GGA2: variants seen among roughly 807,000 people sequenced by gnomAD.
GGA2 encodes the protein ADP-ribosylation factor-binding protein GGA2.
A neutral mutation model predicts 79.5 loss-of-function variants in GGA2; 48 were observed. That is an observed-to-expected ratio of 0.60 (90% CI 0.48 to 0.77). The LOEUF is 0.77. GGA2 is among the 30% of genes least tolerant of loss of function. The probability of loss-of-function intolerance (pLI) is 0.00; values close to 1 mark genes in which losing one functional copy is unlikely to be tolerated. For missense variants in GGA2, 770 were observed against 774.0 expected (o/e 0.99, Z 0.06); for synonymous variants, 317 against 302.0 (o/e 1.05, Z -0.51).
chr16:23,507,922 T>G (rs1267300313), intron 1 of GGA2, among the ~76,000 whole-genome samples: 1 of 152,176 alleles, frequency 6.6e-6, no homozygotes, highest in Non-Finnish European at 1.5e-5. Context: ...ATCATGCCGC[T>G]GCACTCCAGC....
At chr16:23,485,714 G>A (rs777346913) in intron 8 of GGA2, among the ~76,000 whole-genome samples, 2 of 152,188 alleles carry the variant, frequency 1.3e-5, no homozygotes, top group South Asian at 2.1e-4. Context: ...CAACGTGAAT[G>A]GATCTCGAGT....
At chr16:23,471,972 C>T (rs914391733) in intron 14 of GGA2, among the ~76,000 whole-genome samples, 5 of 151,940 alleles carry the variant, frequency 3.3e-5, no homozygotes, top group African/African-American at 1.2e-4. Context: ...ATTTAAGAGA[C>T]TGAAAATACC....
intron 4 of GGA2, among the ~76,000 whole-genome samples, chr16:23,493,006 G>C (rs963288462): frequency 6.6e-6 from 1 of 152,214 alleles, no homozygotes; most frequent in African/African-American, 2.4e-5. Context: ...GGTGCCAGGA[G>C]GACAGGTACA....
chr16:23,485,210 T>C (rs1425309388), intron 8 of GGA2, among the ~76,000 whole-genome samples: 3 of 152,084 alleles, frequency 2.0e-5, no homozygotes, highest in Admixed American at 6.6e-5. Flanking sequence ...AGTGGATTAG[T>C]GGTTGCCAGG....
chr16:23,503,775 T>A (rs1964944987), intron 1 of GGA2, among the ~76,000 whole-genome samples: 1 of 152,192 alleles, frequency 6.6e-6, no homozygotes, highest in African/African-American at 2.4e-5. Flanking sequence ...ACAGTAACCG[T>A]CATTTTTAAA....
intron 16 of GGA2, 22 bp downstream of exon 16, chr16:23,468,864 T>G (rs780398494): frequency 2.0e-6 from 3 of 1,465,614 alleles, no homozygotes; most frequent in Non-Finnish European, 2.9e-6. Context: ...ATCTCCCTGC[T>G]ACCACAGACA....
At position 23,480,694 on chromosome 16, in the gene GGA2, G is replaced by C. The variant is rs1375852765; in HGVS notation, c.957C>G (p.Thr319=). ...ATGAGCTGGTCACTCTGTTTCCAAA[G>C]GTGACCCGGCCCTCCATCACCTGTT... ...LYKQVMEGRV[T]FGNRVTSSLG... is the part of the protein sequence containing the mutation. The change falls in exon 10 of 17, where the codon ACC becomes ACG. Residue 319 remains threonine, a synonymous_variant. Transcript: ENST00000309859. 2 of 1,613,276 alleles carry C rather than the reference G, an allele frequency of 1.2e-6. No individual in the cohort carries two copies. The highest frequency in any genetic ancestry group is 1.7e-6 in the Non-Finnish European group (2 of 1,179,166).
intron 2 of GGA2, among the ~76,000 whole-genome samples, chr16:23,518,845 G>T (rs1965118285): frequency 6.6e-6 from 1 of 152,146 alleles, no homozygotes; most frequent in African/African-American, 2.4e-5. Context: ...CAACGTGCCA[G>T]GTGCTATGGT....
At chr16:23,511,443 G>A (rs1266272770), upstream of GGA2, among the ~76,000 whole-genome samples, 3 of 151,178 alleles carry the variant, frequency 2.0e-5, no homozygotes, top group African/African-American at 7.3e-5. Context: ...ACAGGGGTGA[G>A]CCACCACGCC....
intron 14 of GGA2, among the ~76,000 whole-genome samples, chr16:23,470,795 C>G (rs1596974771): frequency 6.9e-6 from 1 of 145,108 alleles, no homozygotes; most frequent in Non-Finnish European, 1.5e-5. Flanking sequence ...CACACAAAAA[C>G]AGGATTATCA....
rs769357196 is a variant in GGA2 at position 23,491,689 on chromosome 16, G to T, written c.463C>A (p.Leu155Met). Reference sequence around the variant, plus strand: ...AGGCAAGTCAGACCTTGTTTCTTCAGCATCTGATAAGCGTCTCGAATCTTG... The same window carrying T: ...AGGCAAGTCAGACCTTGTTTCTTCATCATCTGATAAGCGTCTCGAATCTTG... ...DIKIRDAYQM[L>M]KKQGIIKQDP... The change falls in exon 5 of 17, where the codon CTG (leucine) becomes ATG (methionine). Residue 155 changes from leucine (L) to methionine (M), a missense_variant. By Grantham distance (15) the Leu-to-Met change is conservative. Coordinates refer to ENST00000309859, the MANE Select transcript of GGA2 (RefSeq NM_015044.4). The T allele has an allele frequency of 6.2e-7, 1 of 1,612,918 alleles. No individual in the cohort carries two copies. The highest frequency in any genetic ancestry group is 8.5e-7 in the Non-Finnish European group (1 of 1,178,980).
intron 7 of GGA2, 39 bp from the exon 8 acceptor site, chr16:23,486,191 A>T: frequency 3.7e-6 from 6 of 1,603,372 alleles, no homozygotes; most frequent in Non-Finnish European, 5.1e-6. Context: ...GAGGGAGCAG[A>T]AACCCTGGCT....
At chr16:23,494,174 C>G (rs1374046422) in intron 3 of GGA2, 129 bp downstream of exon 3, 1 of 698,210 alleles carries the variant, frequency 1.4e-6, no homozygotes, top group East Asian at 2.5e-5. Context: ...CTCCAACCTG[C>G]TGTGAAGGTA....
chr16:23,511,318 A>ATT (rs35947720), upstream of GGA2, among the ~76,000 whole-genome samples: 3 of 144,268 alleles, frequency 2.1e-5, no homozygotes, highest in African/African-American at 5.1e-5. Flanking sequence ...ACACCCAGCT[A>ATT]TTTTTTTTTT....
chr16:23,520,420 G>A (rs1047894117), intron 1 of GGA2, among the ~76,000 whole-genome samples: 3 of 152,080 alleles, frequency 2.0e-5, no homozygotes, highest in Non-Finnish European at 2.9e-5. Flanking sequence ...CAGCCTCTGT[G>A]CCCTTCACTG....
chr16:23,494,264 G>A lies in GGA2; in HGVS notation c.252+39C>T, dbSNP rs747056837. 1.8e-5 allele frequency: 24 copies of A among 1,325,080 alleles called. 1 individual carries two copies. The highest frequency in any genetic ancestry group is 2.3e-5 in the East Asian group (1 of 43,584). 82.1% of individuals were successfully genotyped at this position (1,325,080 alleles called of 1,614,324 possible). On this transcript the variant is annotated intron_variant, in intron 3 of 16. Transcript: ENST00000309859. ...CGCCTCTCGGCTCTCTATAGCACAA[G>A]GACAGGAAAGGTTAGGCTACAAGGC...
At chr16:23,491,871 G>A in intron 4 of GGA2, 71 bp from the exon 5 acceptor site, 3 of 1,095,940 alleles carry the variant, frequency 2.7e-6, no homozygotes, top group African/African-American at 1.5e-5. Flanking sequence ...AACTAAAGAG[G>A]TAGCTGCTGA....
chr16:23,478,268 G>T, intron 13 of GGA2, 100 bp downstream of exon 13: 3 of 727,086 alleles, frequency 4.1e-6, no homozygotes, highest in Non-Finnish European at 6.3e-6. Flanking sequence ...TCTCCAGGGC[G>T]AGAGGCTGTC....
intron 1 of GGA2, among the ~76,000 whole-genome samples, chr16:23,520,321 G>A (rs1965130511): frequency 6.6e-6 from 1 of 151,632 alleles, no homozygotes; most frequent in African/African-American, 2.4e-5. Context: ...TTTGAGATGG[G>A]TACAATTCTT....
Sources: gnomAD v4.1 joint callset for allele counts (sites outside exome capture counted in the v4.1 genomes callset) on GRCh38, gnomAD v4.1.1 for gene constraint, MANE v1.5 for transcripts, NCBI Gene and HGNC (gene_info 2026-07-23, HGNC 2026-07-21) for gene names.